The following TET1 variants were observed in gnomAD, a reference collection of about 807,000 sequenced individuals.
TET1 encodes the protein tet methylcytosine dioxygenase 1, also known as methylcytosine dioxygenase TET1.
Under a neutral mutation model 148.7 loss-of-function variants are expected in TET1, and 13 were observed. The ratio of observed to expected loss-of-function variants is 0.09; its 90% confidence interval spans 0.06 to 0.14. The LOEUF is 0.14. Among genes scored for constraint, TET1 ranks in the 10% least tolerant of loss-of-function variants. TET1 has a pLI of 1.00. For synonymous variants in TET1, 907 were observed against 937.2 expected, an observed-to-expected ratio of 0.97 and a Z score of 0.59; for missense variants, 2,182 against 2,553.8, an observed-to-expected ratio of 0.85 and a Z score of 3.14.
At chr10:68,670,965 T>C (rs1016978395) in intron 7 of TET1, among the ~76,000 whole-genome samples, 5 of 152,212 alleles carry the variant, frequency 3.3e-5, no homozygotes, top group African/African-American at 1.2e-4. Flanking sequence ...GTAAGCATTA[T>C]GCAATTTTAT....
At chr10:68,608,262 G>A in intron 3 of TET1, among the ~76,000 whole-genome samples, 1 of 149,002 alleles carries the variant, frequency 6.7e-6, no homozygotes, top group Non-Finnish European at 1.5e-5. Context: ...TTGAGACGGA[G>A]TCTCACTCTG....
chr10:68,580,102 AT>A (rs1376866400), intron 2 of TET1, among the ~76,000 whole-genome samples: 1 of 151,032 alleles, frequency 6.6e-6, no homozygotes, highest in Non-Finnish European at 1.5e-5. Flanking sequence ...CTAATTTTGT[AT>A]TTTTAATAGA....
intron 3 of TET1, among the ~76,000 whole-genome samples, chr10:68,614,181 A>G (rs1353053339): frequency 6.6e-6 from 1 of 152,200 alleles, no homozygotes; most frequent in Non-Finnish European, 1.5e-5. Context: ...TGATCACTTC[A>G]CTAAAACAAC....
intron 8 of TET1, chr10:68,673,456 C>T (rs769154701): frequency 2.2e-5 from 9 of 407,164 alleles, no homozygotes; most frequent in East Asian, 7.3e-5. Context: ...TATATGAAAC[C>T]GGAACGAATC....
At chr10:68,575,826 C>T (rs1224251502) in intron 2 of TET1, among the ~76,000 whole-genome samples, 1 of 151,018 alleles carries the variant, frequency 6.6e-6, no homozygotes, top group Non-Finnish European at 1.5e-5. Flanking sequence ...TCGAGACCAT[C>T]CTGGCTAACA....
intron 11 of TET1, among the ~76,000 whole-genome samples, chr10:68,688,659 CG>C: frequency 6.6e-6 from 1 of 151,856 alleles, no homozygotes; most frequent in East Asian, 1.9e-4. Context: ...AGGATGGTCT[CG>C]ATCTCCTGAC....
At chr10:68,615,445 A>T (rs2054277121) in intron 3 of TET1, among the ~76,000 whole-genome samples, 1 of 151,002 alleles carries the variant, frequency 6.6e-6, no homozygotes, top group Non-Finnish European at 1.5e-5. Context: ...TCCCAGGTTC[A>T]AGCGATTCTC....
chr10:68,677,923 A>AT (rs937881721), intron 8 of TET1, among the ~76,000 whole-genome samples: 134 of 152,192 alleles, frequency 8.8e-4, no homozygotes, highest in African/African-American at 3.1e-3. Context: ...GCAGACCAGT[A>AT]TTTTTTATTT....
At chr10:68,576,577 G>A (rs533093024) in intron 2 of TET1, among the ~76,000 whole-genome samples, 20 of 152,094 alleles carry the variant, frequency 1.3e-4, no homozygotes, top group African/African-American at 3.6e-4. Context: ...TGAGAGGATC[G>A]CCTGATCCTG....
At chr10:68,622,688 T>C (rs1211234055) in intron 3 of TET1, among the ~76,000 whole-genome samples, 1 of 148,520 alleles carries the variant, frequency 6.7e-6, no homozygotes, top group Non-Finnish European at 1.5e-5. Flanking sequence ...TTTCATGACA[T>C]TGGCAGTTTT....
chr10:68,632,648 A>T, intron 3 of TET1: 2 of 1,591,094 alleles, frequency 1.3e-6, no homozygotes, highest in Admixed American at 3.3e-5. Flanking sequence ...ATTGCCAGAG[A>T]AGAAATTAAA....
At chr10:68,583,899 CTG>C (rs1431728119) in intron 2 of TET1, among the ~76,000 whole-genome samples, 1 of 151,450 alleles carries the variant, frequency 6.6e-6, no homozygotes, top group East Asian at 1.9e-4. Flanking sequence ...GACAGAGACT[CTG>C]TCTCCAAAAA....
At chr10:68,624,660 C>CTTTCTTTCTTTTTTTCTT (rs1462948714) in intron 3 of TET1, among the ~76,000 whole-genome samples, 2 of 74,530 alleles carry the variant, frequency 2.7e-5, no homozygotes, top group African/African-American at 1.1e-4. Context: ...TTCTTTCTTT[C>CTTTCTTTCTTTTTTTCTT]TCTCTCTCTC....
At chr10:68,590,791 CTAAATAAA>C (rs1429214002) in intron 2 of TET1, among the ~76,000 whole-genome samples, 1 of 151,730 alleles carries the variant, frequency 6.6e-6, no homozygotes, top group African/African-American at 2.4e-5. Context: ...GGCCCTGTCT[CTAAATAAA>C]TAAATAAATA....
chr10:68,605,189 T>G (rs1319739127), intron 3 of TET1, among the ~76,000 whole-genome samples: 1 of 152,086 alleles, frequency 6.6e-6, no homozygotes, highest in Non-Finnish European at 1.5e-5. Context: ...AAAGAACAAG[T>G]GGGGCCAGGA....
intron 2 of TET1, among the ~76,000 whole-genome samples, chr10:68,595,195 C>A (rs1391269675): frequency 6.6e-6 from 1 of 150,488 alleles, no homozygotes; most frequent in Non-Finnish European, 1.5e-5. Flanking sequence ...ACATTCTTTT[C>A]TTATTCCTTA....
intron 3 of TET1, among the ~76,000 whole-genome samples, chr10:68,609,280 C>G (rs754104563): frequency 1.3e-5 from 2 of 152,094 alleles, no homozygotes; most frequent in Admixed American, 1.3e-4. Flanking sequence ...TCCTGCCTCA[C>G]CCTCCCTAGT....
chr10:68,582,936 G>A (rs1483020319), intron 2 of TET1, among the ~76,000 whole-genome samples: 13 of 152,228 alleles, frequency 8.5e-5, no homozygotes, highest in South Asian at 8.3e-4. Flanking sequence ...AGATATTCGT[G>A]TATAACCTCC....
chr10:68,572,618 C>T lies in TET1; in HGVS notation c.280C>T (p.Pro94Ser). ...TAGGACTGAGGTTCTTTTTCAGAAC[C>T]CAGAGTCCTTAACCTGCAATGGGTT... Reference protein sequence around the residue: ...LDRTEVLFQNPESLTCNGFTM... With the variant: ...LDRTEVLFQNSESLTCNGFTM... Residue 94 changes from proline (P) to serine (S), a missense_variant, in exon 2 of 12, where the codon CCA (proline) becomes TCA (serine). Pro to Ser is a moderately conservative substitution (Grantham distance 74). This residue lies in a region of TET1 where 665 missense variants were observed against 672.4 expected (regional missense o/e 0.99). Transcript: ENST00000373644. 6.2e-7 allele frequency: 1 copy of T among 1,614,110 alleles called. No individual in the cohort carries two copies. Among genetic ancestry groups the T allele is most frequent in the South Asian group, 1.1e-5 (1 of 91,084 alleles).
Sources: allele counts gnomAD v4.1 joint callset (sites outside exome capture counted in the v4.1 genomes callset), GRCh38; gene constraint gnomAD v4.1.1; regional missense constraint gnomAD v4.1.1; transcripts MANE v1.5; gene names NCBI Gene and HGNC (gene_info 2026-07-23, HGNC 2026-07-21).